The following QTGAL variants were observed in gnomAD, a reference collection of about 807,000 sequenced individuals.
The protein encoded by QTGAL is BGnT-like protein 1.
At chr17:82,961,057 T>C in the QTGAL span, 1 of 1,608,728 alleles carries the variant, frequency 6.2e-7, no homozygotes, top group Non-Finnish European at 8.5e-7. Flanking sequence ...GCTGACTCAC[T>C]CGAGGACGCA....
chr17:82,953,348 C>G, the QTGAL span, among the ~76,000 whole-genome samples: 53 of 152,274 alleles, frequency 3.5e-4, no homozygotes, highest in East Asian at 9.8e-3. Flanking sequence ...ACTGATCCCA[C>G]AGAGATACAA....
At chr17:83,027,392 G>T in the QTGAL span, among the ~76,000 whole-genome samples, 1 of 152,224 alleles carries the variant, frequency 6.6e-6, no homozygotes, top group Admixed American at 6.5e-5. Context: ...GACAAGAGAC[G>T]TCGATAGGAC....
chr17:83,013,995 C>A, the QTGAL span, among the ~76,000 whole-genome samples: 2 of 151,984 alleles, frequency 1.3e-5, no homozygotes, highest in African/African-American at 4.8e-5. Context: ...TGCTGTGCTT[C>A]CTCCCCACTG....
chr17:83,032,985 C>G, the QTGAL span, among the ~76,000 whole-genome samples: 1 of 152,318 alleles, frequency 6.6e-6, no homozygotes, highest in East Asian at 1.9e-4. Flanking sequence ...GAGGAACGGG[C>G]GGCTCCCGCG....
the QTGAL span, among the ~76,000 whole-genome samples, chr17:82,967,451 T>C: frequency 2.6e-5 from 4 of 152,082 alleles, no homozygotes; most frequent in Admixed American, 2.6e-4. Flanking sequence ...AGGTCGCTGG[T>C]TAAGACAAGT....
the QTGAL span, among the ~76,000 whole-genome samples, chr17:82,954,546 GA>G: frequency 4.6e-5 from 7 of 152,094 alleles, no homozygotes; most frequent in Non-Finnish European, 1.5e-5. Context: ...TCAATATCAT[GA>G]AAATGGCCAT....
At chr17:83,034,817 G>T in the QTGAL span, among the ~76,000 whole-genome samples, 1 of 152,192 alleles carries the variant, frequency 6.6e-6, no homozygotes, top group Admixed American at 6.5e-5. Flanking sequence ...GACCTGCCCG[G>T]ACACATGGAA....
chr17:82,990,389 C>T, the QTGAL span, among the ~76,000 whole-genome samples: 1,854 of 152,372 alleles, frequency 0.012, 43 homozygotes, highest in African/African-American at 0.042. Context: ...TCAGCAGGAA[C>T]GCCAACACAG....
At chr17:82,948,699 C>T in the QTGAL span, 5 of 152,268 alleles carry the variant, frequency 3.3e-5, no homozygotes, top group African/African-American at 1.2e-4. Context: ...GCCAAATGCA[C>T]GTTCACAACC....
the QTGAL span, chr17:82,946,966 G>T: frequency 6.4e-7 from 1 of 1,566,154 alleles, no homozygotes; most frequent in South Asian, 1.2e-5. Context: ...TGTCCTCAAA[G>T]GCGCCCCCTG....
At chr17:82,990,796 G>C in the QTGAL span, among the ~76,000 whole-genome samples, 5 of 152,172 alleles carry the variant, frequency 3.3e-5, no homozygotes, top group African/African-American at 1.2e-4. Flanking sequence ...TTTCACGTGA[G>C]GGTGGGGCTC....
chr17:82,969,134 GAAA>G, the QTGAL span, among the ~76,000 whole-genome samples: 66 of 141,692 alleles, frequency 4.7e-4, no homozygotes, highest in East Asian at 1.2e-3. Context: ...TCCATTTCAG[GAAA>G]AAAAAAAAAA....
the QTGAL span, among the ~76,000 whole-genome samples, chr17:83,023,373 G>A: frequency 0.14 from 19,054 of 137,216 alleles, 2,115 homozygotes; most frequent in Middle Eastern, 0.2. Context: ...CGGCCCACCT[G>A]CACCAGCATG....
chr17:82,963,574 C>G, the QTGAL span, among the ~76,000 whole-genome samples: 1 of 152,204 alleles, frequency 6.6e-6, no homozygotes, highest in Non-Finnish European at 1.5e-5. Context: ...AAATTCCACA[C>G]CCTCCACCAG....
At chr17:83,027,441 C>A in the QTGAL span, among the ~76,000 whole-genome samples, 1 of 152,186 alleles carries the variant, frequency 6.6e-6, no homozygotes, top group African/African-American at 2.4e-5. Context: ...ACAACTTCTC[C>A]TTCGGGGTGA....
the QTGAL span, among the ~76,000 whole-genome samples, chr17:82,965,250 C>T: frequency 2.3e-4 from 35 of 151,176 alleles, no homozygotes; most frequent in African/African-American, 7.3e-4. Context: ...ATGGGGGGGA[C>T]GGGGACACAG....
At chr17:83,031,352 C>T in the QTGAL span, among the ~76,000 whole-genome samples, 42 of 151,114 alleles carry the variant, frequency 2.8e-4, no homozygotes, top group African/African-American at 9.8e-4. Flanking sequence ...CCTCGCAGGA[C>T]CAGAGTCACG....
At chr17:83,041,693 C>A in the QTGAL span, among the ~76,000 whole-genome samples, 1 of 152,212 alleles carries the variant, frequency 6.6e-6, no homozygotes. Flanking sequence ...AGCTGTGACT[C>A]ATGGCCACTG....
At chr17:82,953,139 G>C in the QTGAL span, among the ~76,000 whole-genome samples, 114 of 152,196 alleles carry the variant, frequency 7.5e-4, no homozygotes, top group East Asian at 0.017. Flanking sequence ...AAGAACTAGA[G>C]AAGCAAGAGC....
Sources: gnomAD v4.1 joint callset for allele counts (sites outside exome capture counted in the v4.1 genomes callset) on GRCh38, gnomAD v4.1.1 for gene constraint, MANE v1.5 for transcripts, NCBI Gene and HGNC (gene_info 2026-07-23, HGNC 2026-07-21) for gene names.